TBC1D5: variants seen among roughly 807,000 people sequenced by gnomAD.
TBC1D5 encodes the protein TBC1 domain family, member 5.
Under a neutral mutation model 100.3 loss-of-function variants are expected in TBC1D5, and 75 were observed. The observed-to-expected ratio is 0.75, with a 90% CI of 0.62 to 0.91. The LOEUF (loss-of-function observed/expected upper bound fraction) is 0.91. Ranked by LOEUF, TBC1D5 falls within the 40% of genes least tolerant of loss-of-function variation. The probability of loss-of-function intolerance (pLI) is 0.00; values close to 1 mark genes in which losing one functional copy is unlikely to be tolerated. For synonymous variants in TBC1D5, 323 were observed against 325.6 expected (o/e 0.99, Z 0.09); for missense variants, 910 against 942.4 (o/e 0.97, Z 0.45).
chr3:17,178,171 T>C (rs886184909), intron 19 of TBC1D5, among the ~76,000 whole-genome samples: 58 of 150,568 alleles, frequency 3.9e-4, no homozygotes, highest in South Asian at 1.5e-3. Flanking sequence ...GTTCACGCCA[T>C]TCTCCTGCCT....
chr3:17,381,796 A>G (rs1201413856), intron 9 of TBC1D5, among the ~76,000 whole-genome samples: 3 of 149,136 alleles, frequency 2.0e-5, no homozygotes, highest in Non-Finnish European at 4.4e-5. Context: ...TAAATCTTCT[A>G]GTATTTTTAT....
intron 3 of TBC1D5, among the ~76,000 whole-genome samples, chr3:17,432,157 A>G (rs2094457006): frequency 6.6e-6 from 1 of 152,168 alleles, no homozygotes; most frequent in African/African-American, 2.4e-5. Flanking sequence ...TTATCTTTGA[A>G]TCATTAGAGA....
chr3:17,479,661 A>AC (rs2095478026), intron 3 of TBC1D5, among the ~76,000 whole-genome samples: 3 of 152,164 alleles, frequency 2.0e-5, no homozygotes, highest in South Asian at 4.1e-4. Flanking sequence ...ACAGAGTGAG[A>AC]CCCCATCTCT....
chr3:17,227,851 A>AG (rs2075057105), intron 17 of TBC1D5, among the ~76,000 whole-genome samples: 1 of 132,998 alleles, frequency 7.5e-6, no homozygotes, highest in African/African-American at 3.0e-5. Context: ...CTAAAATAAA[A>AG]GTTTTTTTTT....
At chr3:17,658,052 A>G (rs1196514898) in intron 1 of TBC1D5, among the ~76,000 whole-genome samples, 2 of 152,246 alleles carry the variant, frequency 1.3e-5, no homozygotes, top group Non-Finnish European at 2.9e-5. Flanking sequence ...AGTATTCAGT[A>G]GAGTAACATG....
chr3:17,549,508 G>C (rs1414904625), intron 2 of TBC1D5, among the ~76,000 whole-genome samples: 1 of 152,084 alleles, frequency 6.6e-6, no homozygotes, highest in East Asian at 1.9e-4. Flanking sequence ...GAATAAAAAT[G>C]GAGACATTAA....
intron 3 of TBC1D5, among the ~76,000 whole-genome samples, chr3:17,481,712 CT>C (rs1481461026): frequency 6.6e-6 from 1 of 152,200 alleles, no homozygotes; most frequent in Non-Finnish European, 1.5e-5. Flanking sequence ...TATTAAAATA[CT>C]TCAATGTTGC....
At chr3:17,182,477 T>G (rs906144405) in intron 19 of TBC1D5, among the ~76,000 whole-genome samples, 1 of 152,218 alleles carries the variant, frequency 6.6e-6, no homozygotes, top group Non-Finnish European at 1.5e-5. Flanking sequence ...GAGCAAAAGC[T>G]GTTTGAAAAT....
At chr3:17,429,273 T>A (rs2094403727) in intron 3 of TBC1D5, among the ~76,000 whole-genome samples, 1 of 151,828 alleles carries the variant, frequency 6.6e-6, no homozygotes, top group South Asian at 2.1e-4. Flanking sequence ...TTGGAAAAAA[T>A]GCTTACCAAT....
At chr3:17,344,788 A>G (rs1273072063) in intron 13 of TBC1D5, among the ~76,000 whole-genome samples, 2 of 152,198 alleles carry the variant, frequency 1.3e-5, no homozygotes, top group Non-Finnish European at 1.5e-5. Flanking sequence ...CTGATCTTTG[A>G]CAAACCTGAG....
intron 2 of TBC1D5, among the ~76,000 whole-genome samples, chr3:17,575,036 T>A (rs905713041): frequency 1.3e-5 from 2 of 152,094 alleles, no homozygotes; most frequent in African/African-American, 4.8e-5. Flanking sequence ...ATTAAAAATT[T>A]CCAATGTCCC....
chr3:17,390,147 A>G (rs992353247), intron 8 of TBC1D5, among the ~76,000 whole-genome samples: 2 of 152,244 alleles, frequency 1.3e-5, no homozygotes, highest in Non-Finnish European at 1.5e-5. Flanking sequence ...CCTATTTGCC[A>G]TTTGGATATG....
chr3:17,372,481 G>A (rs1432462860), intron 12 of TBC1D5, among the ~76,000 whole-genome samples: 10 of 152,220 alleles, frequency 6.6e-5, no homozygotes, highest in South Asian at 6.2e-4. Context: ...TAATTAAGAC[G>A]AATGTTCAAA....
At chr3:17,451,358 C>G (rs1320685313) in intron 3 of TBC1D5, among the ~76,000 whole-genome samples, 8 of 152,102 alleles carry the variant, frequency 5.3e-5, no homozygotes, top group Non-Finnish European at 1.5e-5. Context: ...ACAGACACTT[C>G]ACAAAAGAAA....
At chr3:17,525,151 CAG>C (rs962151206) in intron 2 of TBC1D5, among the ~76,000 whole-genome samples, 6 of 151,712 alleles carry the variant, frequency 4.0e-5, no homozygotes, top group Admixed American at 3.9e-4. Flanking sequence ...TTTTTTGAGA[CAG>C]AGTTTCACTC....
intron 13 of TBC1D5, among the ~76,000 whole-genome samples, chr3:17,345,288 A>G (rs1193420190): frequency 6.6e-6 from 1 of 152,272 alleles, no homozygotes; most frequent in African/African-American, 2.4e-5. Context: ...CCAAAAGAAG[A>G]CATTTATGCA....
At chr3:17,266,440 C>T (rs1223067834) in intron 15 of TBC1D5, among the ~76,000 whole-genome samples, 1 of 152,030 alleles carries the variant, frequency 6.6e-6, no homozygotes, top group African/African-American at 2.4e-5. Flanking sequence ...TCTTATATTA[C>T]TTGTGACTAA....
At chr3:17,320,667 A>G (rs1038320055) in intron 13 of TBC1D5, among the ~76,000 whole-genome samples, 1 of 152,214 alleles carries the variant, frequency 6.6e-6, no homozygotes, top group African/African-American at 2.4e-5. Flanking sequence ...TTTTATTTAT[A>G]TTATTGATTC....
Position 17,443,782 on chromosome 3 carries a change from T to C in TBC1D5, c.98-15263A>G, listed in dbSNP as rs13327620. The stretch of plus-strand genomic sequence containing the variant: ...CAATACCTGAAATTTTAAAAATTCA[T>C]AGATGGGCTCTGTAATGAAATGGAT... On this transcript the variant is annotated intron_variant, in intron 3 of 21. Transcript: ENST00000253692. Among the ~76,000 whole-genome samples the C allele has an allele frequency of 3.3e-3, 501 of 152,214 alleles. 4 individuals carry two copies. Among genetic ancestry groups the C allele is most frequent in the African/African-American group, 0.01 (421 of 41,542 alleles).
Sources: gnomAD v4.1 joint callset for allele counts (sites outside exome capture counted in the v4.1 genomes callset) on GRCh38, gnomAD v4.1.1 for gene constraint, MANE v1.5 for transcripts, NCBI Gene and HGNC (gene_info 2026-07-23, HGNC 2026-07-21) for gene names.